EMCN: variants seen among roughly 807,000 people sequenced by gnomAD.
EMCN encodes endomucin, also known as MUC-14.
Under a neutral mutation model 38.4 loss-of-function variants are expected in EMCN, and 37 were observed. That is an observed-to-expected ratio of 0.96 (90% CI 0.74 to 1.27). The LOEUF is 1.27. Ranked by LOEUF, EMCN falls within the 50% of genes most tolerant of loss-of-function variation. The pLI is 0.00. For missense variants in EMCN, 318 were observed against 302.8 expected (o/e 1.05, Z -0.37); for synonymous variants, 95 against 100.8 (o/e 0.94, Z 0.35).
rs566646672 is a variant in EMCN, at chr4:100,486,884, G to A, written c.65-6845C>T. 23 of 985,432 alleles carry A rather than the reference G, an allele frequency of 2.3e-5. No individual in the cohort carries two copies. In the African/African-American group the frequency reaches 2.4e-4, roughly 10 times the overall value. The allele number at this position is 985,432 out of a possible 1,614,324, so 61.0% of individuals were successfully genotyped here. On this transcript the variant is annotated intron_variant, in intron 1 of 11. Transcript: ENST00000296420. ...ACCCAGGTGTCTTGTTCAAAAGTAC[G>A]GGGCCATGCAGTTATTTTTCCTTCA... is the stretch of plus-strand genomic sequence containing the variant.
At chr4:100,411,817 T>G (rs751300059) in intron 10 of EMCN, among the ~76,000 whole-genome samples, 1 of 152,184 alleles carries the variant, frequency 6.6e-6, no homozygotes, top group Non-Finnish European at 1.5e-5. Context: ...AAAGACTATT[T>G]GTAGTTGAAA....
intron 5 of EMCN, among the ~76,000 whole-genome samples, chr4:100,442,940 C>T (rs1343944274): frequency 6.6e-6 from 1 of 152,190 alleles, no homozygotes; most frequent in Non-Finnish European, 1.5e-5. Context: ...ATCTCCACCT[C>T]CCAGATTCAA....
chr4:100,417,140 G>T lies in EMCN; in HGVS notation c.666C>A (p.Gly222=), dbSNP rs1726759235. 3.1e-6 allele frequency: 5 copies of T among 1,613,624 alleles called. No homozygotes were observed. In the African/African-American group the frequency reaches 6.7e-5, roughly 22 times the overall value. Residue 222 remains glycine (G), a splice_region_variant and synonymous_variant, in exon 9 of 12, where the codon GGC becomes GGA. Transcript: ENST00000296420. ...ACTGATCATTTCCATTTTCTGGTGT[G>T]CCTAGGAGAAGAGGGAGTTGTTATT... ...LYRMCWKADP[G]TPENGNDQPQ... is the part of the protein sequence containing the mutation.
chr4:100,427,291 G>T (rs570600280), intron 5 of EMCN, among the ~76,000 whole-genome samples: 5 of 151,560 alleles, frequency 3.3e-5, no homozygotes, highest in African/African-American at 9.7e-5. Flanking sequence ...TTTATATTGA[G>T]AACAGGATCT....
intron 3 of EMCN, among the ~76,000 whole-genome samples, chr4:100,466,147 T>G (rs1287203336): frequency 6.6e-6 from 1 of 152,198 alleles, no homozygotes; most frequent in Non-Finnish European, 1.5e-5. Flanking sequence ...AAGATAACAT[T>G]GGAATAAGAT....
At chr4:100,444,285 G>T (rs1000739557) in intron 5 of EMCN, among the ~76,000 whole-genome samples, 2 of 152,240 alleles carry the variant, frequency 1.3e-5, no homozygotes, top group African/African-American at 4.8e-5. Context: ...ATATGGGTCA[G>T]TGGAGCCTCT....
At chr4:100,425,508 C>T (rs1475062820) in intron 5 of EMCN, among the ~76,000 whole-genome samples, 1 of 152,008 alleles carries the variant, frequency 6.6e-6, no homozygotes, top group Non-Finnish European at 1.5e-5. Flanking sequence ...TAGCACTTAC[C>T]CCTGTGGAAT....
chr4:100,463,568 A>G (rs980915888), intron 4 of EMCN, among the ~76,000 whole-genome samples: 1 of 152,182 alleles, frequency 6.6e-6, no homozygotes, highest in Non-Finnish European at 1.5e-5. Context: ...AAATTTGTAG[A>G]GTTGTGCAAC....
intron 4 of EMCN, among the ~76,000 whole-genome samples, chr4:100,458,167 A>T (rs1315699681): frequency 6.6e-6 from 1 of 151,686 alleles, no homozygotes; most frequent in Non-Finnish European, 1.5e-5. Context: ...TTTGAGGAGG[A>T]TTGGTGTTAA....
At chr4:100,507,326 C>T (rs1214091215) in intron 1 of EMCN, among the ~76,000 whole-genome samples, 2 of 152,224 alleles carry the variant, frequency 1.3e-5, no homozygotes, top group South Asian at 2.1e-4. Context: ...TTTGTATTAA[C>T]CAAATCTGTC....
chr4:100,453,997 G>A (rs1727926672), intron 4 of EMCN, among the ~76,000 whole-genome samples: 1 of 145,670 alleles, frequency 6.9e-6, no homozygotes, highest in Non-Finnish European at 1.5e-5. Flanking sequence ...CACAGGAAGG[G>A]GAACATCACA....
intron 4 of EMCN, among the ~76,000 whole-genome samples, chr4:100,450,155 A>G (rs1363716977): frequency 6.6e-6 from 1 of 152,026 alleles, no homozygotes; most frequent in Non-Finnish European, 1.5e-5. Flanking sequence ...AAAGAATCTC[A>G]GAAAAGTCAA....
chr4:100,439,758 A>G (rs1317611150), intron 5 of EMCN, among the ~76,000 whole-genome samples: 1 of 151,684 alleles, frequency 6.6e-6, no homozygotes, highest in Non-Finnish European at 1.5e-5. Context: ...TAATGTCGGC[A>G]TGTATTGCTA....
intron 3 of EMCN, among the ~76,000 whole-genome samples, chr4:100,469,262 A>G (rs1728407820): frequency 6.6e-6 from 1 of 152,128 alleles, no homozygotes; most frequent in African/African-American, 2.4e-5. Context: ...TAAATGTAAT[A>G]TCTGAAATCA....
chr4:100,492,469 G>A (rs1360090546), intron 1 of EMCN, among the ~76,000 whole-genome samples: 1 of 152,032 alleles, frequency 6.6e-6, no homozygotes, highest in African/African-American at 2.4e-5. Flanking sequence ...GGAAAAGAAA[G>A]AGAAAAGAGA....
chr4:100,464,711 A>G (rs1357035468), intron 4 of EMCN, among the ~76,000 whole-genome samples: 1 of 152,078 alleles, frequency 6.6e-6, no homozygotes, highest in East Asian at 1.9e-4. Flanking sequence ...TTTCTGGGAT[A>G]AATCTGACTT....
intron 1 of EMCN, among the ~76,000 whole-genome samples, chr4:100,513,575 C>T (rs1215547726): frequency 1.3e-5 from 2 of 152,094 alleles, no homozygotes; most frequent in South Asian, 2.1e-4. Context: ...AGAGCTGGTT[C>T]TGTTTAGATA....
At chr4:100,493,763 C>A (rs1050567360) in intron 1 of EMCN, among the ~76,000 whole-genome samples, 1 of 152,024 alleles carries the variant, frequency 6.6e-6, no homozygotes, top group Non-Finnish European at 1.5e-5. Context: ...AGTTGGGGGA[C>A]CACTCCTCTG....
chr4:100,473,365 G>GGTTTTTTTTT (rs1728533364), intron 3 of EMCN, among the ~76,000 whole-genome samples: 5 of 29,836 alleles, frequency 1.7e-4, no homozygotes, highest in African/African-American at 3.2e-4. Flanking sequence ...CCCGTTTCGT[G>GGTTTTTTTTT]TTTTTTTGTT....
Sources: allele counts gnomAD v4.1 joint callset (sites outside exome capture counted in the v4.1 genomes callset), GRCh38; gene constraint gnomAD v4.1.1; transcripts MANE v1.5; gene names NCBI Gene and HGNC (gene_info 2026-07-23, HGNC 2026-07-21).